STK17A: variants seen among roughly 807,000 people sequenced by gnomAD.
STK17A encodes the protein serine/threonine kinase 17a.
Under a neutral mutation model 43.7 loss-of-function variants are expected in STK17A, and 26 were observed. That is an observed-to-expected ratio of 0.60 (90% CI 0.44 to 0.83). The LOEUF (loss-of-function observed/expected upper bound fraction) is 0.83, where lower values mean the gene tolerates loss of function less well. STK17A is among the 40% of genes least tolerant of loss of function. The pLI is 0.00. For missense variants in STK17A, 476 were observed against 511.6 expected (o/e 0.93, Z 0.67); for synonymous variants, 191 against 182.5 (o/e 1.05, Z -0.38).
In STK17A at chr7:43,596,122, T is replaced by G. The variant is rs758785426; in HGVS notation, c.419+9T>G. ...ATCTTAGTTCTGGAATAGTAAGTAT[T>G]GTCTTTCTTAGATTAAGTTTGTTTG... On this transcript the variant is annotated intron_variant, in intron 2 of 6. Transcript: ENST00000319357. 5 of 1,598,950 alleles carry G rather than the reference T, an allele frequency of 3.1e-6. No homozygotes were observed. The highest frequency in any genetic ancestry group is 3.4e-6 in the Non-Finnish European group (4 of 1,170,726).
At chr7:43,593,655 T>C (rs1325854839) in intron 1 of STK17A, among the ~76,000 whole-genome samples, 1 of 151,990 alleles carries the variant, frequency 6.6e-6, no homozygotes, top group Non-Finnish European at 1.5e-5. Context: ...CATTTTTTAA[T>C]GTGTTTGTTT....
Position 43,583,250 on chromosome 7 carries a change from C to G in STK17A, c.7C>G (p.Pro3Ala). 6.5e-7 allele frequency: 1 copy of G among 1,549,664 alleles called. No individual in the cohort carries two copies. Among genetic ancestry groups the G allele is most frequent in the Non-Finnish European group, 8.7e-7 (1 of 1,150,356 alleles). The change falls in exon 1 of 7, where the codon CCT (proline) becomes GCT (alanine). Residue 3 changes from proline to alanine, a missense_variant. Pro to Ala is a conservative substitution (Grantham distance 27). Around this residue, in one of 3 missense-constraint regions of STK17A, gnomAD observed 320 missense variants for 326.3 expected, o/e 0.98. Transcript: ENST00000319357. MI[P>A]LEKPGSGGSS... is the part of the protein sequence containing the mutation. Reference sequence around the variant, plus strand: ...AGAAGCGGGCCTGAACACCATGATCCCTTTGGAGAAGCCAGGCAGCGGCGG... The same window carrying G: ...AGAAGCGGGCCTGAACACCATGATCGCTTTGGAGAAGCCAGGCAGCGGCGG...
intron 1 of STK17A, among the ~76,000 whole-genome samples, chr7:43,588,059 C>A (rs79659595): frequency 0.014 from 2,118 of 151,626 alleles, 55 homozygotes; most frequent in African/African-American, 0.049. Context: ...TAGCTATAGT[C>A]ACCTCTTCAG....
chr7:43,616,675 A>G (rs181265192), intron 3 of STK17A, among the ~76,000 whole-genome samples: 1 of 152,156 alleles, frequency 6.6e-6, no homozygotes, highest in East Asian at 1.9e-4. Context: ...AGACGGGCGG[A>G]TCACGAGGTC....
rs1158886080 is a variant in STK17A, at chr7:43,619,724, G to T, written c.691+1G>T. ...ATTATGGGTACCCCTGAATATGTGG[G>T]TAAGTATTCATAAAAGTAGTTTTGT... On this transcript the variant is annotated splice_donor_variant, in intron 4 of 6. Coordinates refer to ENST00000319357, the MANE Select transcript of STK17A (RefSeq NM_004760.3). LOFTEE classifies it high-confidence loss of function. 6.8e-6 allele frequency: 11 copies of T among 1,613,038 alleles called. No homozygotes were observed. In the East Asian group the frequency reaches 2.5e-4, roughly 36 times the overall value.
At chr7:43,607,980 T>C (rs2082623921) in intron 2 of STK17A, among the ~76,000 whole-genome samples, 1 of 152,164 alleles carries the variant, frequency 6.6e-6, no homozygotes, top group Non-Finnish European at 1.5e-5. Context: ...GGTTGTTAAA[T>C]CCATACTAAC....
intron 3 of STK17A, among the ~76,000 whole-genome samples, chr7:43,616,592 C>T (rs1226207993): frequency 6.6e-6 from 1 of 152,060 alleles, no homozygotes; most frequent in Non-Finnish European, 1.5e-5. Context: ...AAGGTAAGAC[C>T]CTTTTTAAAA....
At chr7:43,624,446 ATACAGTACCT>A in intron 6 of STK17A, 62 bp from the exon 7 acceptor site, 1 of 1,438,324 alleles carries the variant, frequency 7.0e-7, no homozygotes, top group Non-Finnish European at 9.3e-7. Context: ...AATGCAATAA[ATACAGTACCT>A]TATGCTCTAA....
At position 43,626,376 on chromosome 7, in the gene STK17A, A is replaced by G. The variant is rs1393323078; in HGVS notation, c.*1534A>G. 1 of 152,238 alleles carries G rather than the reference A, an allele frequency of 6.6e-6. No homozygotes were observed. The highest frequency in any genetic ancestry group is 1.9e-4 in the East Asian group (1 of 5,200). 9.4% of individuals were successfully genotyped at this position (152,238 alleles called of 1,614,324 possible). A position where few individuals can be genotyped will look rare whatever the true frequency, so the allele number is the denominator to read the frequency against. ...CCAGTCCTGCTGTGTGAACCTGTCAAAGCACCTGGGAGTGCCCTTTACACC... is the reference window on the plus strand; with the variant it reads ...CCAGTCCTGCTGTGTGAACCTGTCAGAGCACCTGGGAGTGCCCTTTACACC... On this transcript the variant is annotated 3_prime_UTR_variant, in exon 7 of 7. Coordinates refer to ENST00000319357, the MANE Select transcript of STK17A (RefSeq NM_004760.3).
intron 1 of STK17A, among the ~76,000 whole-genome samples, chr7:43,583,921 G>C (rs2082421304): frequency 6.6e-6 from 1 of 152,128 alleles, no homozygotes. Context: ...TTGCACCGGC[G>C]CTCTGTTACC....
intron 2 of STK17A, among the ~76,000 whole-genome samples, chr7:43,605,583 C>CA (rs771989337): frequency 6.3e-4 from 96 of 152,194 alleles, no homozygotes; most frequent in Admixed American, 1.4e-3. Context: ...CTCTGGTACT[C>CA]ACCTGCCAAT....
chr7:43,615,396 C>G (rs542224207), intron 3 of STK17A, among the ~76,000 whole-genome samples: 1 of 152,184 alleles, frequency 6.6e-6, no homozygotes, highest in African/African-American at 2.4e-5. Context: ...AGGCTGGTCT[C>G]GAACTCCTAA....
At position 43,627,270 on chromosome 7, in the gene STK17A, TTC is replaced by T. The variant is rs1361455101; in HGVS notation, c.*2432_*2433del. Among the ~76,000 whole-genome samples the T allele has an allele frequency of 1.3e-5, 2 of 152,216 alleles. No homozygotes were observed. Among genetic ancestry groups the T allele is most frequent in the African/African-American group, 4.8e-5 (2 of 41,464 alleles). On this transcript the variant is annotated 3_prime_UTR_variant, in exon 7 of 7. Transcript: ENST00000319357. ...GAAAACTAGGAGGTAATTAATACCT[TTC>T]TCTAGTAGTGGTATAGAGGAAGGAC...
chr7:43,610,197 A>G (rs2082725875), intron 3 of STK17A, among the ~76,000 whole-genome samples: 1 of 152,050 alleles, frequency 6.6e-6, no homozygotes, highest in South Asian at 2.1e-4. Context: ...ATACAAAAAA[A>G]TTAGCCAGGC....
intron 2 of STK17A, among the ~76,000 whole-genome samples, chr7:43,599,776 G>C: frequency 6.6e-6 from 1 of 152,230 alleles, no homozygotes; most frequent in East Asian, 1.9e-4. Flanking sequence ...CTCAGTCCAA[G>C]TGCAAAGGCC....
intron 4 of STK17A, chr7:43,623,163 G>T (rs991845557): frequency 6.3e-6 from 1 of 159,074 alleles, no homozygotes; most frequent in African/African-American, 2.4e-5. Context: ...GGGACAAGTA[G>T]TTGAAAAGGC....
At chr7:43,598,769 GT>G (rs1008561153) in intron 2 of STK17A, among the ~76,000 whole-genome samples, 41 of 145,206 alleles carry the variant, frequency 2.8e-4, no homozygotes, top group South Asian at 6.5e-4. Flanking sequence ...TTGGTTTTTG[GT>G]TTTTTTTTTT....
intron 1 of STK17A, 41 bp downstream of exon 1, chr7:43,583,490 C>G: frequency 7.9e-7 from 1 of 1,260,984 alleles, no homozygotes; most frequent in Non-Finnish European, 1.0e-6. Flanking sequence ...TTCCCGGACG[C>G]GCGGGGCGGG....
Position 43,623,741 on chromosome 7 carries a change from C to T in STK17A, c.773C>T (p.Thr258Ile), listed in dbSNP as rs750213145. Residue 258 changes from threonine (T) to isoleucine (I), a missense_variant, in exon 6 of 7, where the codon ACA becomes ATA. Thr to Ile is a moderately conservative substitution (Grantham distance 89). Coordinates refer to ENST00000319357, the MANE Select transcript of STK17A (RefSeq NM_004760.3). The stretch of plus-strand genomic sequence containing the variant: ...GGAGTGTTAACATATGTCATGCTTA[C>T]AGGAATATCACCTTTCTTAGGCAAT... ...SIGVLTYVML[T>I]GISPFLGNDK... The T allele has an allele frequency of 6.2e-7, 1 of 1,606,144 alleles. No homozygotes were observed. The highest frequency in any genetic ancestry group is 8.5e-7 in the Non-Finnish European group (1 of 1,177,254).
Sources: allele counts gnomAD v4.1 joint callset (sites outside exome capture counted in the v4.1 genomes callset), GRCh38; gene constraint gnomAD v4.1.1; regional missense constraint gnomAD v4.1.1; transcripts MANE v1.5; gene names NCBI Gene and HGNC (gene_info 2026-07-23, HGNC 2026-07-21).